Variants in VWA3B observed in about 807,000 individuals in gnomAD.
VWA3B encodes the protein von Willebrand factor A domain containing 3B, also known as von Willebrand factor A domain-containing protein 3B.
In VWA3B, 138 loss-of-function variants were observed where a neutral mutation model predicts 158.3. The ratio of observed to expected loss-of-function variants is 0.87; its 90% CI spans 0.76 to 1.00. The LOEUF (loss-of-function observed/expected upper bound fraction) is 1.00. Among genes scored for constraint, VWA3B ranks in the 50% least tolerant of loss-of-function variants. The probability of loss-of-function intolerance (pLI) is 0.00; values close to 1 mark genes in which losing one functional copy is unlikely to be tolerated. For synonymous variants in VWA3B, 596 were observed against 587.3 expected (o/e 1.01, Z -0.21); for missense variants, 1,555 against 1,565.1 (o/e 0.99, Z 0.11).
At chr2:98,319,085 A>G in the VWA3B span, among the ~76,000 whole-genome samples, 1 of 152,252 alleles carries the variant, frequency 6.6e-6, no homozygotes, top group Non-Finnish European at 1.5e-5. Context: ...GAAATGTTGT[A>G]TATTATAAAG....
Position 98,303,803 on chromosome 2 carries a change from G to A in VWA3B, c.3521+1G>A, listed in dbSNP as rs1690347822. 2 of 1,613,664 alleles carry A rather than the reference G, an allele frequency of 1.2e-6. No homozygotes were observed. Among genetic ancestry groups the A allele is most frequent in the East Asian group, 2.2e-5 (1 of 44,856 alleles). On this transcript the variant is annotated splice_donor_variant, in intron 26 of 27. Coordinates refer to ENST00000477737, the MANE Select transcript of VWA3B (RefSeq NM_144992.5). LOFTEE classifies it high-confidence loss of function. ...CCCCAATTCCTGAGGATCCAGAAGT[G>A]TAAGTGTACTCAACTTTTATCTCTT... is the stretch of plus-strand genomic sequence containing the variant.
chr2:98,294,311 C>T (rs1008523991), intron 23 of VWA3B, among the ~76,000 whole-genome samples: 2 of 151,280 alleles, frequency 1.3e-5, no homozygotes, highest in African/African-American at 4.9e-5. Flanking sequence ...TCAAAACCTC[C>T]TAAACATTTT....
chr2:98,289,411 T>A (rs1689359385), intron 22 of VWA3B, among the ~76,000 whole-genome samples: 1 of 152,166 alleles, frequency 6.6e-6, no homozygotes, highest in African/African-American at 2.4e-5. Flanking sequence ...AATTCCTTTG[T>A]TTTTCCATTT....
intron 12 of VWA3B, among the ~76,000 whole-genome samples, chr2:98,202,618 G>A (rs1682651694): frequency 6.6e-6 from 1 of 151,734 alleles, no homozygotes; most frequent in Admixed American, 6.6e-5. Flanking sequence ...CCCAGCTACT[G>A]CTTTAGCTGT....
At chr2:98,131,884 A>C (rs1477845277) in intron 6 of VWA3B, among the ~76,000 whole-genome samples, 1 of 152,194 alleles carries the variant, frequency 6.6e-6, no homozygotes, top group African/African-American at 2.4e-5. Flanking sequence ...AAGGGCTAGA[A>C]ATTTTCATTG....
chr2:98,118,212 C>T (rs1674680478), intron 3 of VWA3B, among the ~76,000 whole-genome samples: 1 of 152,130 alleles, frequency 6.6e-6, no homozygotes, highest in South Asian at 2.1e-4. Context: ...TGTGATGTGC[C>T]CACCCTGGCT....
chr2:98,166,099 G>T (rs1051207074), intron 8 of VWA3B, among the ~76,000 whole-genome samples: 1 of 152,188 alleles, frequency 6.6e-6, no homozygotes, highest in African/African-American at 2.4e-5. Context: ...CACTTTGGGA[G>T]GCCAAGGAGG....
chr2:98,106,423 A>C (rs1673664854), intron 2 of VWA3B, among the ~76,000 whole-genome samples: 1 of 152,140 alleles, frequency 6.6e-6, no homozygotes. Flanking sequence ...ATATTGCTAT[A>C]ATATTGATAG....
intron 14 of VWA3B, among the ~76,000 whole-genome samples, chr2:98,226,452 A>T (rs945346504): frequency 6.6e-6 from 1 of 152,220 alleles, no homozygotes; most frequent in East Asian, 1.9e-4. Context: ...AATCTAAAAC[A>T]TAAAACTGTA....
rs983472216 is a variant in VWA3B at position 98,312,289 on chromosome 2, C to T, written c.3825C>T (p.Pro1275=). The T allele has an allele frequency of 6.2e-7, 1 of 1,614,054 alleles. No homozygotes were observed. The highest frequency in any genetic ancestry group is 1.3e-5 in the African/African-American group (1 of 74,940). The change falls in exon 28 of 28, where the codon CCC becomes CCT. Residue 1275 remains proline, a synonymous_variant. Transcript: ENST00000477737. ...CACCTCCACCTCGAGCAGCCCTGCC[C>T]TGTACTCTCCAAGCCACCCACAGCA... ...IATPPPRAAL[P]CTLQATHSSK...
intron 21 of VWA3B, among the ~76,000 whole-genome samples, chr2:98,261,570 C>CT (rs1396965128): frequency 6.6e-5 from 10 of 151,714 alleles, no homozygotes; most frequent in Non-Finnish European, 1.5e-4. Context: ...CTCTTTATAG[C>CT]ATTCCTTTTA....
intron 6 of VWA3B, among the ~76,000 whole-genome samples, chr2:98,130,904 T>C (rs1675817302): frequency 6.6e-6 from 1 of 152,234 alleles, no homozygotes; most frequent in African/African-American, 2.4e-5. Flanking sequence ...TGCATCACCT[T>C]ATTTATCATT....
intron 7 of VWA3B, among the ~76,000 whole-genome samples, chr2:98,145,506 C>T (rs1181196863): frequency 6.6e-6 from 1 of 152,188 alleles, no homozygotes. Context: ...ATAACCATTG[C>T]ATTATGCTGG....
At chr2:98,092,499 T>C (rs770520848) in intron 1 of VWA3B, among the ~76,000 whole-genome samples, 10 of 151,942 alleles carry the variant, frequency 6.6e-5, no homozygotes, top group East Asian at 3.9e-4. Flanking sequence ...AAAAATTAGC[T>C]GGGCATGGTG....
At chr2:98,144,063 G>A (rs1282661207) in intron 7 of VWA3B, among the ~76,000 whole-genome samples, 1 of 151,726 alleles carries the variant, frequency 6.6e-6, no homozygotes, top group Admixed American at 6.6e-5. Flanking sequence ...GGGTAATAAT[G>A]TTAATAATGT....
At chr2:98,216,333 G>T (rs1683984939) in intron 13 of VWA3B, among the ~76,000 whole-genome samples, 1 of 152,248 alleles carries the variant, frequency 6.6e-6, no homozygotes, top group African/African-American at 2.4e-5. Context: ...TGCAGCTTTG[G>T]CTGCGGTCAT....
chr2:98,137,198 A>G (rs916613034), intron 7 of VWA3B, among the ~76,000 whole-genome samples: 4 of 152,166 alleles, frequency 2.6e-5, no homozygotes, highest in African/African-American at 9.7e-5. Context: ...TGGGGATTCT[A>G]TTTTTAATGT....
chr2:98,299,957 T>A (rs1690070396), intron 24 of VWA3B, 122 bp from the exon 25 acceptor site: 1 of 1,291,880 alleles, frequency 7.7e-7, no homozygotes, highest in Non-Finnish European at 1.1e-6. Context: ...AGAAAAAAAA[T>A]ATCTATTTGA....
chr2:98,169,871 C>G (rs1473315647), intron 8 of VWA3B, among the ~76,000 whole-genome samples: 1 of 151,976 alleles, frequency 6.6e-6, no homozygotes, highest in Non-Finnish European at 1.5e-5. Context: ...GTAATCCCAG[C>G]ACTTTAGGAG....
Sources: allele counts gnomAD v4.1 joint callset (sites outside exome capture counted in the v4.1 genomes callset), GRCh38; gene constraint gnomAD v4.1.1; transcripts MANE v1.5; gene names NCBI Gene and HGNC (gene_info 2026-07-23, HGNC 2026-07-21).